The following RBM19 variants were observed in gnomAD, a reference collection of about 807,000 sequenced individuals.
The protein encoded by RBM19 is RNA binding motif protein 19, also known as probable RNA-binding protein 19.
In RBM19, 94 loss-of-function variants were observed where a neutral mutation model predicts 116.8. The observed-to-expected ratio is 0.80, with a 90% CI of 0.68 to 0.95. RBM19 has a LOEUF of 0.95. Among genes scored for constraint, RBM19 ranks in the 40% least tolerant of loss-of-function variants. RBM19 has a pLI of 0.00. For missense variants in RBM19, 1,161 were observed against 1,220.7 expected (o/e 0.95, Z 0.73); for synonymous variants, 475 against 494.1 (o/e 0.96, Z 0.51).
At chr12:113,954,689 C>G (rs1871758522) in intron 7 of RBM19, among the ~76,000 whole-genome samples, 1 of 152,244 alleles carries the variant, frequency 6.6e-6, no homozygotes, top group African/African-American at 2.4e-5. Flanking sequence ...CCAAAGGCAG[C>G]AAACTACAGT....
At chr12:113,835,614 G>A (rs911739001) in intron 23 of RBM19, among the ~76,000 whole-genome samples, 1 of 152,240 alleles carries the variant, frequency 6.6e-6, no homozygotes, top group Non-Finnish European at 1.5e-5. Context: ...GGCTGGGAGG[G>A]TGACTGTTTG....
intron 12 of RBM19, 129 bp from the exon 13 acceptor site, chr12:113,946,053 T>C: frequency 1.1e-6 from 1 of 880,408 alleles, no homozygotes; most frequent in Non-Finnish European, 1.8e-6. Context: ...TTCCCTATCA[T>C]GGGCTACGTA....
intron 21 of RBM19, among the ~76,000 whole-genome samples, chr12:113,894,211 T>C (rs888086448): frequency 1.3e-5 from 2 of 152,214 alleles, no homozygotes; most frequent in African/African-American, 2.4e-5. Flanking sequence ...CAAAGTCATC[T>C]TGTGCTTATT....
At chr12:113,908,953 G>A (rs1308039400) in intron 21 of RBM19, among the ~76,000 whole-genome samples, 1 of 152,220 alleles carries the variant, frequency 6.6e-6, no homozygotes, top group African/African-American at 2.4e-5. Flanking sequence ...ATATTCGGGG[G>A]TTGGGGGTCA....
intron 21 of RBM19, among the ~76,000 whole-genome samples, chr12:113,872,328 G>A (rs1565988643): frequency 6.7e-6 from 1 of 149,330 alleles, no homozygotes; most frequent in Admixed American, 6.7e-5. Context: ...CCTCCGCCCG[G>A]CAGCCGCCCC....
intron 16 of RBM19, among the ~76,000 whole-genome samples, chr12:113,929,157 A>G (rs981410881): frequency 6.6e-6 from 1 of 152,170 alleles, no homozygotes; most frequent in Non-Finnish European, 1.5e-5. Context: ...TTTGTGATGT[A>G]AGGGGGCTTC....
intron 23 of RBM19, among the ~76,000 whole-genome samples, chr12:113,838,665 G>A (rs561343019): frequency 4.6e-5 from 7 of 152,298 alleles, no homozygotes; most frequent in South Asian, 4.2e-4. Flanking sequence ...GTACCTGGCC[G>A]CCAAGTAAGG....
chr12:113,828,737 C>A (rs1164175142), intron 23 of RBM19, among the ~76,000 whole-genome samples: 1 of 152,114 alleles, frequency 6.6e-6, no homozygotes, highest in African/African-American at 2.4e-5. Context: ...AGGCTGCCTG[C>A]TCTGGAAGGC....
chr12:113,823,911 A>G (rs1270112774), intron 23 of RBM19, among the ~76,000 whole-genome samples: 1 of 152,204 alleles, frequency 6.6e-6, no homozygotes, highest in Non-Finnish European at 1.5e-5. Context: ...GGTGCTCGAT[A>G]AGTGGTGGGT....
rs1871346819 is a variant in RBM19 at position 113,950,118 on chromosome 12, A to G, written c.1037T>C (p.Val346Ala). 3.7e-6 allele frequency: 6 copies of G among 1,611,904 alleles called. No homozygotes were observed. The highest frequency in any genetic ancestry group is 5.1e-6 in the Non-Finnish European group (6 of 1,178,180). Residue 346 changes from valine (V) to alanine (A), a missense_variant, in exon 9 of 24, where the codon GTG (valine) becomes GCG (alanine). Val to Ala is a moderately conservative substitution (Grantham distance 64, BLOSUM62 0). Coordinates refer to ENST00000261741, the MANE Select transcript of RBM19 (RefSeq NM_016196.4). ...CCGGTTGCATTTCAGAGCTTGCTTC[A>G]CTTCCTCTTCATTGCTGAAATCCAC... ...IFVDFSNEEE[V>A]KQALKCNREY... is the part of the protein sequence containing the mutation.
chr12:113,940,841 T>A (rs1281706359), intron 14 of RBM19, among the ~76,000 whole-genome samples: 1 of 152,206 alleles, frequency 6.6e-6, no homozygotes, highest in Non-Finnish European at 1.5e-5. Context: ...TATTCAGCCT[T>A]GAGAAATGTA....
intron 16 of RBM19, among the ~76,000 whole-genome samples, chr12:113,936,227 T>C (rs1435875207): frequency 6.6e-6 from 1 of 152,104 alleles, no homozygotes; most frequent in African/African-American, 2.4e-5. Context: ...TGGGTGTGTA[T>C]AGGTGAGTGG....
intron 21 of RBM19, among the ~76,000 whole-genome samples, chr12:113,889,936 A>C (rs1180520627): frequency 6.6e-6 from 1 of 150,902 alleles, no homozygotes; most frequent in East Asian, 1.9e-4. Context: ...AGAGAGCCTC[A>C]GCGCTCAGAT....
At chr12:113,928,681 G>A (rs1869346802) in intron 16 of RBM19, among the ~76,000 whole-genome samples, 2 of 140,454 alleles carry the variant, frequency 1.4e-5, no homozygotes, top group African/African-American at 5.2e-5. Flanking sequence ...CAGGGAGTTG[G>A]GAACAGGGAG....
At chr12:113,918,491 TACTC>T (rs1294789910) in intron 19 of RBM19, 44 bp from the exon 20 acceptor site, 3 of 1,600,470 alleles carry the variant, frequency 1.9e-6, no homozygotes, top group Non-Finnish European at 2.6e-6. Context: ...TCCCGAGAAA[TACTC>T]ACCCGAATCC....
chr12:113,920,253 A>C (rs1439736439), intron 19 of RBM19, among the ~76,000 whole-genome samples: 1 of 152,028 alleles, frequency 6.6e-6, no homozygotes, highest in East Asian at 1.9e-4. Context: ...CCCAACTCGC[A>C]GCTTTGTCTT....
intron 21 of RBM19, among the ~76,000 whole-genome samples, chr12:113,895,509 T>C (rs1881258108): frequency 1.3e-5 from 2 of 152,312 alleles, no homozygotes; most frequent in African/African-American, 4.8e-5. Flanking sequence ...GCCAGACACA[T>C]GTCAGAGAGG....
At chr12:113,926,246 C>T (rs903504604) in intron 17 of RBM19, among the ~76,000 whole-genome samples, 3 of 152,216 alleles carry the variant, frequency 2.0e-5, no homozygotes, top group Admixed American at 1.3e-4. Context: ...CTCTTGACCC[C>T]ATGATCGAAT....
At chr12:113,915,405 C>G (rs1331394733) in intron 20 of RBM19, among the ~76,000 whole-genome samples, 1 of 152,166 alleles carries the variant, frequency 6.6e-6, no homozygotes. Flanking sequence ...TCCATTGTGT[C>G]TTTCTCTCCA....
Sources: gnomAD v4.1 joint callset for allele counts (sites outside exome capture counted in the v4.1 genomes callset) on GRCh38, gnomAD v4.1.1 for gene constraint, MANE v1.5 for transcripts, NCBI Gene and HGNC (gene_info 2026-07-23, HGNC 2026-07-21) for gene names.